Variants in LEPR observed in about 807,000 individuals in gnomAD.
LEPR encodes leptin receptor, also known as OB receptor.
LEPR carries 56 observed loss-of-function variants against 114.7 expected under a neutral mutation model. The observed-to-expected ratio is 0.49, with a 90% CI of 0.39 to 0.61. LEPR has a LOEUF of 0.61. Ranked by LOEUF, LEPR falls within the 20% of genes least tolerant of loss-of-function variation. The pLI, the probability that LEPR is intolerant of heterozygous loss-of-function variation, is 0.00. For missense variants in LEPR, 1,202 were observed against 1,352.9 expected (o/e 0.89, Z 1.75); for synonymous variants, 443 against 461.4 (o/e 0.96, Z 0.51).
chr1:65,430,944 T>C (rs1189394227), intron 2 of LEPR, among the ~76,000 whole-genome samples: 6 of 152,170 alleles, frequency 3.9e-5, no homozygotes, highest in African/African-American at 1.4e-4. Context: ...GGCTGTTGTA[T>C]GGAATGACAT....
rs529223465 is a variant in LEPR at position 65,460,980 on chromosome 1, CTTTTTTT to C, written c.-21+35611_-21+35617del. On this transcript the variant is annotated intron_variant, in intron 2 of 19. Coordinates refer to ENST00000349533, the MANE Select transcript of LEPR (RefSeq NM_002303.6). ...CCCATTTTTTTCTTTTCTTTCTTTT[CTTTTTTT>C]TTTTTTTTGATGGAGTCTAACTCTG... is the stretch of plus-strand genomic sequence containing the variant. 2.2e-5 allele frequency among the ~76,000 whole-genome samples: 3 copies of C among 138,646 alleles called. No individual in the cohort carries two copies. In the South Asian group the frequency reaches 7.0e-4, roughly 32 times the overall value. 91.0% of individuals were successfully genotyped at this position (138,646 alleles called of 152,430 possible). A position where few individuals can be genotyped will look rare whatever the true frequency, so the allele number is the denominator to read the frequency against.
intron 2 of LEPR, among the ~76,000 whole-genome samples, chr1:65,473,381 A>G (rs4639803): frequency 6.6e-6 from 1 of 152,338 alleles, no homozygotes; most frequent in East Asian, 1.9e-4. Context: ...GATTTCTCAT[A>G]TGGCATGCCT....
chr1:65,450,512 TGA>T (rs1423122192), intron 2 of LEPR, among the ~76,000 whole-genome samples: 1 of 143,544 alleles, frequency 7.0e-6, no homozygotes, highest in Admixed American at 7.1e-5. Context: ...CACCTATGAG[TGA>T]GAATATGCAG....
At chr1:65,604,937 G>T (rs1656715837) in intron 10 of LEPR, 101 bp from the exon 11 acceptor site, 1 of 1,449,464 alleles carries the variant, frequency 6.9e-7, no homozygotes, top group South Asian at 1.3e-5. Flanking sequence ...GTGCCAAAAA[G>T]GTTGGGGACT....
intron 6 of LEPR, among the ~76,000 whole-genome samples, chr1:65,595,405 A>T (rs1431570028): frequency 6.6e-6 from 1 of 152,122 alleles, no homozygotes. Context: ...TAGGAAATGT[A>T]CAATAGCTTG....
At chr1:65,429,682 T>A (rs1426578334) in intron 2 of LEPR, among the ~76,000 whole-genome samples, 1 of 152,236 alleles carries the variant, frequency 6.6e-6, no homozygotes, top group African/African-American at 2.4e-5. Context: ...ATAGTAATTT[T>A]AAAATTATCA....
chr1:65,618,056 T>C lies in LEPR; in HGVS notation c.2305T>C (p.Tyr769His), dbSNP rs1657635863. Residue 769 changes from tyrosine (Y) to histidine (H), a missense_variant, in exon 16 of 20, where the codon TAT (tyrosine) becomes CAT (histidine). Tyr to His is a moderately conservative substitution (Grantham distance 83). Coordinates refer to ENST00000349533, the MANE Select transcript of LEPR (RefSeq NM_002303.6). Reference sequence around the variant, plus strand: ...ATCACCCAGTGATTACAAGCTAATGTATTTTATTATTGAGTGGAAAAATCT... The same window carrying C: ...ATCACCCAGTGATTACAAGCTAATGCATTTTATTATTGAGTGGAAAAATCT... ...ILSPSDYKLM[Y>H]FIIEWKNLNE... is the part of the protein sequence containing the mutation. The C allele has an allele frequency of 6.2e-7, 1 of 1,612,718 alleles. No individual in the cohort carries two copies. Among genetic ancestry groups the C allele is most frequent in the Non-Finnish European group, 8.5e-7 (1 of 1,179,422 alleles).
chr1:65,514,010 G>GA (rs1008001561), intron 2 of LEPR, among the ~76,000 whole-genome samples: 1 of 152,170 alleles, frequency 6.6e-6, no homozygotes, highest in Non-Finnish European at 1.5e-5. Flanking sequence ...ATGAAGTACT[G>GA]AAAAAATGTA....
intron 2 of LEPR, among the ~76,000 whole-genome samples, chr1:65,527,192 GC>G (rs1377139089): frequency 5.9e-5 from 9 of 152,284 alleles, no homozygotes; most frequent in Admixed American, 2.0e-4. Context: ...AACAGTGCTG[GC>G]TACTTTTTAG....
intron 2 of LEPR, among the ~76,000 whole-genome samples, chr1:65,544,749 CGG>C (rs1307113604): frequency 6.6e-6 from 1 of 150,596 alleles, no homozygotes; most frequent in African/African-American, 2.5e-5. Flanking sequence ...AGCCTTAAAA[CGG>C]GGTGAAATTT....
In LEPR at chr1:65,516,956, C is replaced by A. The variant is rs181911242; in HGVS notation, c.-20-48590C>A. ...CAGAGCAATTGTAGCAACACGAAATCGCAAAAGAAAGACAAAGCTTCATGG... is the reference window on the plus strand; with the variant it reads ...CAGAGCAATTGTAGCAACACGAAATAGCAAAAGAAAGACAAAGCTTCATGG... On this transcript the variant is annotated intron_variant, in intron 2 of 19. Transcript: ENST00000349533. 3.8e-3 allele frequency among the ~76,000 whole-genome samples: 571 copies of A among 152,256 alleles called. 6 individuals carry two copies. Among genetic ancestry groups the A allele is most frequent in the African/African-American group, 0.012 (519 of 41,540 alleles).
intron 2 of LEPR, among the ~76,000 whole-genome samples, chr1:65,471,968 TGGCCTGTAA>T (rs1647089369): frequency 6.6e-6 from 1 of 152,222 alleles, no homozygotes; most frequent in Non-Finnish European, 1.5e-5. Flanking sequence ...TTCATCTCTC[TGGCCTGTAA>T]ACAAAATGCC....
intron 15 of LEPR, among the ~76,000 whole-genome samples, chr1:65,617,756 T>C (rs1192229388): frequency 6.6e-6 from 1 of 152,182 alleles, no homozygotes; most frequent in African/African-American, 2.4e-5. Context: ...GGGAGTATCA[T>C]GTTTCTCTTC....
intron 2 of LEPR, among the ~76,000 whole-genome samples, chr1:65,495,434 T>TA (rs1285048902): frequency 3.3e-5 from 5 of 152,166 alleles, no homozygotes; most frequent in African/African-American, 1.2e-4. Flanking sequence ...TGGGAACCCT[T>TA]AACACACTGT....
At chr1:65,518,875 T>TTTC (rs1649437814) in intron 2 of LEPR, among the ~76,000 whole-genome samples, 1 of 63,976 alleles carries the variant, frequency 1.6e-5, no homozygotes, top group African/African-American at 4.8e-5. Context: ...TTCTTTCTTT[T>TTTC]TCTTTCTTTC....
At chr1:65,624,565 G>A (rs994878982) in intron 19 of LEPR, among the ~76,000 whole-genome samples, 1 of 152,066 alleles carries the variant, frequency 6.6e-6, no homozygotes, top group African/African-American at 2.4e-5. Flanking sequence ...CATTTTTAAT[G>A]TATAAATACG....
intron 6 of LEPR, among the ~76,000 whole-genome samples, 175 bp from the exon 7 acceptor site, chr1:65,596,273 G>A (rs1341715431): frequency 1.3e-5 from 2 of 152,068 alleles, no homozygotes; most frequent in African/African-American, 4.8e-5. Context: ...AAGGTACAAG[G>A]ACGAGACCCA....
chr1:65,432,632 T>C (rs1646502125), intron 2 of LEPR: 1 of 984,698 alleles, frequency 1.0e-6, no homozygotes, highest in Admixed American at 6.2e-5. Context: ...AAGCCTATAA[T>C]ATTTAGGCAG....
intron 2 of LEPR, among the ~76,000 whole-genome samples, chr1:65,528,958 C>T (rs1390068706): frequency 7.4e-6 from 1 of 135,336 alleles, no homozygotes; most frequent in Non-Finnish European, 1.6e-5. Flanking sequence ...GCGTGTGCCT[C>T]CACACCTGGC....
Sources: gnomAD v4.1 joint callset for allele counts (sites outside exome capture counted in the v4.1 genomes callset) on GRCh38, gnomAD v4.1.1 for gene constraint, MANE v1.5 for transcripts, NCBI Gene and HGNC (gene_info 2026-07-23, HGNC 2026-07-21) for gene names.